Variants in HLA-DPB1 observed in about 807,000 individuals in gnomAD.
HLA-DPB1 encodes major histocompatibility complex, class II, DP beta 1, also known as HLA class II histocompatibility antigen, DP beta 1 chain.
In HLA-DPB1, 30 loss-of-function variants were observed where a neutral mutation model predicts 29.4. The observed-to-expected ratio is 1.02, with a 90% CI of 0.76 to 1.38. The LOEUF (loss-of-function observed/expected upper bound fraction) is 1.38. HLA-DPB1 is among the 40% of genes most tolerant of loss of function. The pLI is 0.00. For missense variants in HLA-DPB1, 261 were observed against 327.5 expected (o/e 0.80, Z 1.57); for synonymous variants, 114 against 134.0 (o/e 0.85, Z 1.03).
chr6:33,089,236 A>C lies in HLA-DPB1; in HGVS notation c.*2702A>C, dbSNP rs9277567. Among the ~76,000 whole-genome samples the C allele has an allele frequency of 0.2, 30,139 of 152,086 alleles. 3,406 individuals carry two copies. The highest frequency in any genetic ancestry group is 0.55 in the East Asian group (2,845 of 5,172). On this transcript the variant is annotated 3_prime_UTR_variant, in exon 6 of 6. Coordinates refer to ENST00000418931, the MANE Select transcript of HLA-DPB1 (RefSeq NM_002121.6). ...TGCATTGTAAACTGTCCCTGAAATT[A>C]CTGTGCACTTGGCTTATGGGATGAA...
intron 3 of HLA-DPB1, 143 bp downstream of exon 3, chr6:33,085,374 T>C (rs1462038182): frequency 1.3e-6 from 1 of 744,410 alleles, no homozygotes; most frequent in African/African-American, 1.8e-5. Flanking sequence ...CTCCTGAGCA[T>C]AGTTTGAAGC....
chr6:33,086,878 A>C lies in HLA-DPB1; in HGVS notation c.*344A>C, dbSNP rs1437712483. ...TTAATAAAGAAGTTCATTTTGGTTT[A>C]AACATAGGAAAGAAGAGAACCATGA... On this transcript the variant is annotated 3_prime_UTR_variant, in exon 6 of 6. Transcript: ENST00000418931. The C allele has an allele frequency of 6.9e-6, 2 of 289,164 alleles. No homozygotes were observed. The highest frequency in any genetic ancestry group is 1.3e-5 in the Non-Finnish European group (2 of 148,468). 17.9% of individuals were successfully genotyped at this position (289,164 alleles called of 1,614,324 possible).
At position 33,086,546 on chromosome 6, in the gene HLA-DPB1, G is replaced by T. The variant is rs1269877038; in HGVS notation, c.*12G>T. ...TGTCTTTTACCCCCACAGGGTTCCT[G>T]AGCTCACTGAAAAGACTATTGTGCC... On this transcript the variant is annotated 3_prime_UTR_variant, in exon 6 of 6. Coordinates refer to ENST00000418931, the MANE Select transcript of HLA-DPB1 (RefSeq NM_002121.6). The T allele has an allele frequency of 1.5e-6, 1 of 648,990 alleles. No individual in the cohort carries two copies. The highest frequency in any genetic ancestry group is 2.9e-6 in the Non-Finnish European group (1 of 346,472). The allele number at this position is 648,990 out of a possible 1,614,324, so 40.2% of individuals were successfully genotyped here.
At position 33,084,941 on chromosome 6, in the gene HLA-DPB1, C is replaced by T. The variant is rs749390446; in HGVS notation, c.365-9C>T. Reference sequence around the variant, plus strand: ...ATTCTATTTCATTATTTTTCTTCCACGCTCCTAGTCCAGCCTAGGGTGAAT... The same window carrying T: ...ATTCTATTTCATTATTTTTCTTCCATGCTCCTAGTCCAGCCTAGGGTGAAT... On this transcript the variant is annotated splice_polypyrimidine_tract_variant and intron_variant, in intron 2 of 5. Transcript: ENST00000418931. 1.1e-5 allele frequency: 17 copies of T among 1,504,094 alleles called. 3 individuals are homozygous for T. Among genetic ancestry groups the T allele is most frequent in the African/African-American group, 3.0e-5 (2 of 66,276 alleles). 93.2% of individuals were successfully genotyped at this position (1,504,094 alleles called of 1,614,324 possible).
rs1301961596 is a variant in HLA-DPB1, at chr6:33,089,059, C to T, written c.*2525C>T. 6.6e-6 allele frequency among the ~76,000 whole-genome samples: 1 copy of T among 151,974 alleles called. No individual in the cohort carries two copies. Among genetic ancestry groups the T allele is most frequent in the Non-Finnish European group, 1.5e-5 (1 of 68,012 alleles). ...TCACCCTCTCTTTGTCCCCATTTGTCAAGTAGCAGTGAGGCCGAGCCAGGG... is the reference window on the plus strand; with the variant it reads ...TCACCCTCTCTTTGTCCCCATTTGTTAAGTAGCAGTGAGGCCGAGCCAGGG... On this transcript the variant is annotated 3_prime_UTR_variant, in exon 6 of 6. Transcript: ENST00000418931.
chr6:33,078,164 G>A (rs1230345813), intron 1 of HLA-DPB1, among the ~76,000 whole-genome samples: 1 of 152,100 alleles, frequency 6.6e-6, no homozygotes, highest in African/African-American at 2.4e-5. Flanking sequence ...GGGGGCATGT[G>A]ATGCTGGGCA....
At chr6:33,081,863 G>A (rs1329277931) in intron 2 of HLA-DPB1, 1 of 152,520 alleles carries the variant, frequency 6.6e-6, no homozygotes, top group Non-Finnish European at 1.5e-5. Flanking sequence ...GCAGTAAGAG[G>A]ATTTCTCAAG....
In HLA-DPB1 at chr6:33,077,451, G is replaced by A. The variant is rs912331975; in HGVS notation, c.100+1310G>A. 2.6e-5 allele frequency among the ~76,000 whole-genome samples: 4 copies of A among 152,054 alleles called. No individual in the cohort carries two copies. The East Asian group carries it at 7.7e-4, about 29-fold the overall frequency. ...ATATATCCAGTAATGGGATGGCTGG[G>A]TCAAATGGTATTTCTAGTTCTAGAT... On this transcript the variant is annotated intron_variant, in intron 1 of 5. Transcript: ENST00000418931.
chr6:33,083,831 T>C (rs1222560743), intron 2 of HLA-DPB1: 1 of 152,194 alleles, frequency 6.6e-6, no homozygotes, highest in Non-Finnish European at 1.5e-5. Flanking sequence ...AAGTTGCCAG[T>C]GGCAGTGTGG....
At chr6:33,086,014 C>A in intron 4 of HLA-DPB1, 125 bp downstream of exon 4, 1 of 766,236 alleles carries the variant, frequency 1.3e-6, no homozygotes. Context: ...ATCAGATAAT[C>A]GGGGAACAAA....
In HLA-DPB1 at chr6:33,080,407, C is replaced by T. The variant is rs17214664; in HGVS notation, c.101-265C>T. The T allele has an allele frequency of 0.015, 10,155 of 666,594 alleles. 140 individuals carry two copies. Among genetic ancestry groups the T allele is most frequent in the African/African-American group, 0.03 (1,702 of 55,854 alleles). The allele number at this position is 666,594 out of a possible 1,614,324, so 41.3% of individuals were successfully genotyped here. On this transcript the variant is annotated intron_variant, in intron 1 of 5. Coordinates refer to ENST00000418931, the MANE Select transcript of HLA-DPB1 (RefSeq NM_002121.6). This position sits in a 1 kb window ranked among gnomAD's most constrained non-coding sequence, Gnocchi z 4.3. ...CCAGCAGAAGGGACTGCCTTCCCCT[C>T]AGTGCTCGCCCCTCCCTAGTGATCA...
Position 33,075,990 on chromosome 6 carries a change from C to T in HLA-DPB1, c.-52C>T, listed in dbSNP as rs1317672276. On this transcript the variant is annotated 5_prime_UTR_variant, in exon 1 of 6. Transcript: ENST00000418931. ...CAAACAGGAGCTCCCTTTAGCGAGT[C>T]CTTCTTTTCCTGACTGCAGCTCTTT... 3.6e-6 allele frequency: 5 copies of T among 1,373,328 alleles called. No homozygotes were observed. Among genetic ancestry groups the T allele is most frequent in the Non-Finnish European group, 5.1e-6 (5 of 978,094 alleles). 85.1% of individuals were successfully genotyped at this position (1,373,328 alleles called of 1,614,324 possible).
In HLA-DPB1 at chr6:33,086,709, C is replaced by T. The variant is rs1335121076; in HGVS notation, c.*175C>T. 1 of 432,664 alleles carries T rather than the reference C, an allele frequency of 2.3e-6. No homozygotes were observed. The highest frequency in any genetic ancestry group is 4.7e-6 in the Non-Finnish European group (1 of 210,976). 26.8% of individuals were successfully genotyped at this position (432,664 alleles called of 1,614,324 possible). A position where few individuals can be genotyped will look rare whatever the true frequency, so the allele number is the denominator to read the frequency against. On this transcript the variant is annotated 3_prime_UTR_variant, in exon 6 of 6. Transcript: ENST00000418931. ...TGCTCTTTGATTCAAAGCACTGTTT[C>T]TCTCACTGGGCCTCCAACCATGTTC...
At chr6:33,082,501 C>T (rs1476708180) in intron 2 of HLA-DPB1, among the ~76,000 whole-genome samples, 1 of 151,968 alleles carries the variant, frequency 6.6e-6, no homozygotes, top group African/African-American at 2.4e-5. Flanking sequence ...CCCATGTAGC[C>T]AGATAAGTAT....
chr6:33,079,923 C>A (rs7760936), intron 1 of HLA-DPB1: 2 of 267,548 alleles, frequency 7.5e-6, no homozygotes, highest in Non-Finnish European at 1.5e-5. Context: ...AAAATTACAT[C>A]AATGCCTCTA....
In HLA-DPB1 at chr6:33,088,901, T is replaced by A. The variant is rs1197037366; in HGVS notation, c.*2367T>A. Among the ~76,000 whole-genome samples the A allele has an allele frequency of 1.3e-5, 2 of 152,036 alleles. No individual in the cohort carries two copies. The highest frequency in any genetic ancestry group is 4.8e-5 in the African/African-American group (2 of 41,364). Reference sequence around the variant, plus strand: ...CGGGCTTAGGACTCCCAGCTGAGTGTTGTATCCTCCATCCCTTTCCACCTG... The same window carrying A: ...CGGGCTTAGGACTCCCAGCTGAGTGATGTATCCTCCATCCCTTTCCACCTG... On this transcript the variant is annotated 3_prime_UTR_variant, in exon 6 of 6. Transcript: ENST00000418931.
chr6:33,080,432 A>G lies in HLA-DPB1; in HGVS notation c.101-240A>G. ...CAGTGCTCGCCCCTCCCTAGTGATC[A>G]CTCAGTGCCCCTGAGCTCATTCTTT... is the stretch of plus-strand genomic sequence containing the variant. On this transcript the variant is annotated intron_variant, in intron 1 of 5. Transcript: ENST00000418931. The surrounding 1 kb of genome is among the most constrained non-coding windows in gnomAD (Gnocchi z 4.3). 1 of 700,796 alleles carries G rather than the reference A, an allele frequency of 1.4e-6. No homozygotes were observed. Among genetic ancestry groups the G allele is most frequent in the South Asian group, 1.5e-5 (1 of 66,648 alleles). The allele number at this position is 700,796 out of a possible 1,614,324, so 43.4% of individuals were successfully genotyped here.
At chr6:33,085,652 T>G in intron 3 of HLA-DPB1, 127 bp from the exon 4 acceptor site, 1 of 719,434 alleles carries the variant, frequency 1.4e-6, no homozygotes, top group East Asian at 2.7e-5. Flanking sequence ...AATTTCCTCT[T>G]AGCAAGCTTT....
chr6:33,077,211 T>C (rs1034719510), intron 1 of HLA-DPB1, among the ~76,000 whole-genome samples: 7 of 151,940 alleles, frequency 4.6e-5, no homozygotes, highest in African/African-American at 1.5e-4. Flanking sequence ...TGAATGATGA[T>C]TTCCAGCTTC....
Sources: allele counts gnomAD v4.1 joint callset (sites outside exome capture counted in the v4.1 genomes callset), GRCh38; gene constraint gnomAD v4.1.1; non-coding constraint Gnocchi (gnomAD v3.1); transcripts MANE v1.5; gene names NCBI Gene and HGNC (gene_info 2026-07-23, HGNC 2026-07-21).